GIT1: variants seen among roughly 807,000 people sequenced by gnomAD.
GIT1 encodes the protein ARF GTPase-activating protein GIT1.
A neutral mutation model predicts 91.7 loss-of-function variants in GIT1; 14 were observed. That is an observed-to-expected ratio of 0.15 (90% confidence interval 0.10 to 0.24). The LOEUF (loss-of-function observed/expected upper bound fraction) is 0.24. GIT1 is among the 10% of genes least tolerant of loss of function. The pLI is 1.00. For missense variants in GIT1, 717 were observed against 1,024.9 expected (o/e 0.70, Z 4.10); for synonymous variants, 414 against 418.2 (o/e 0.99, Z 0.12).
Position 29,589,446 on chromosome 17 carries a change from C to A in GIT1, c.-68G>T, listed in dbSNP as rs1364912689. ...GGGCGCGGGCGGCGGGCCCGGGCGG[C>A]GGCGGCGGCCCCTGCTGCCCGGCCC... On this transcript the variant is annotated 5_prime_UTR_variant, in exon 1 of 20. Transcript: ENST00000225394. This position sits in a 1 kb window ranked among gnomAD's most constrained non-coding sequence, Gnocchi z 5.2. 2 of 636,918 alleles carry A rather than the reference C, an allele frequency of 3.1e-6. No individual in the cohort carries two copies. Among genetic ancestry groups the A allele is most frequent in the Non-Finnish European group, 3.9e-6 (2 of 513,812 alleles). The allele number at this position is 636,918 out of a possible 1,614,324, so 39.5% of individuals were successfully genotyped here.
chr17:29,577,803 G>A lies in GIT1; in HGVS notation c.884-61C>T. ...GGCCAGGCCCCCAAGGTGGGGGTGG[G>A]GAAGCACTGAGCCCAGCCTTCCTAG... On this transcript the variant is annotated intron_variant, in intron 9 of 19. Coordinates refer to ENST00000225394, the MANE Select transcript of GIT1 (RefSeq NM_014030.4). The A allele has an allele frequency of 1.3e-5, 13 of 1,009,210 alleles. No individual in the cohort carries two copies. In the South Asian group the frequency reaches 1.5e-4, roughly 12 times the overall value. 62.5% of individuals were successfully genotyped at this position (1,009,210 alleles called of 1,614,324 possible).
At chr17:29,577,853 G>C in intron 9 of GIT1, 111 bp from the exon 10 acceptor site, 1 of 714,726 alleles carries the variant, frequency 1.4e-6, no homozygotes, top group East Asian at 2.6e-5. Flanking sequence ...ACTGAGCACT[G>C]GTGTTCAGAA....
chr17:29,578,103 C>T (rs890453177), intron 9 of GIT1, among the ~76,000 whole-genome samples, 196 bp downstream of exon 9: 2 of 152,176 alleles, frequency 1.3e-5, no homozygotes, highest in Non-Finnish European at 2.9e-5. Context: ...GGGAGGAGCA[C>T]GCTAGCCGCC....
Position 29,582,713 on chromosome 17 carries a change from G to C in GIT1, c.390C>G (p.Ala130=), listed in dbSNP as rs1035371629. ...LPCRDDDGVT[A]KDLSKQLHSS... is the part of the protein sequence containing the mutation. Reference sequence around the variant, plus strand: ...CCCCTCAAACCTTGCTGAGGTCTTTGGCGGTGACTCCATCATCGTCCCGGC... The same window carrying C: ...CCCCTCAAACCTTGCTGAGGTCTTTCGCGGTGACTCCATCATCGTCCCGGC... The change falls in exon 4 of 20, where the codon GCC becomes GCG. Residue 130 remains alanine (A), a synonymous_variant. Coordinates refer to ENST00000225394, the MANE Select transcript of GIT1 (RefSeq NM_014030.4). The C allele has an allele frequency of 6.2e-6, 10 of 1,611,984 alleles. No homozygotes were observed. The Admixed American group carries it at 1.7e-4, about 27-fold the overall frequency.
intron 7 of GIT1, among the ~76,000 whole-genome samples, chr17:29,580,097 A>G (rs1459843043): frequency 6.6e-6 from 1 of 152,092 alleles, no homozygotes; most frequent in Non-Finnish European, 1.5e-5. Flanking sequence ...CTCCCCCATG[A>G]GGACTAGAAT....
At position 29,583,844 on chromosome 17, in the gene GIT1, C is replaced by T. The variant is rs571424723; in HGVS notation, c.53-228G>A. 8.8e-6 allele frequency: 5 copies of T among 569,908 alleles called. No individual in the cohort carries two copies. In the East Asian group the frequency reaches 1.2e-4, roughly 13 times the overall value. The allele number at this position is 569,908 out of a possible 1,614,324, so 35.3% of individuals were successfully genotyped here. On this transcript the variant is annotated intron_variant, in intron 1 of 19. Transcript: ENST00000225394. The stretch of plus-strand genomic sequence containing the variant: ...CATGCCCTTTCCTACATCCTTACCC[C>T]TCTGGGATATGCAGTCCCCAGGGCC...
At position 29,581,236 on chromosome 17, in the gene GIT1, G is replaced by A. The variant is rs957805600; in HGVS notation, c.761+102C>T. ...TGCCTCTAGTCTCTGGGGGGAGGGA[G>A]CAGGGTCCTAGGCCTCTGAAACCTG... On this transcript the variant is annotated intron_variant, in intron 7 of 19. Coordinates refer to ENST00000225394, the MANE Select transcript of GIT1 (RefSeq NM_014030.4). This position sits in a 1 kb window ranked among gnomAD's most constrained non-coding sequence, Gnocchi z 4.8. 7 of 824,786 alleles carry A rather than the reference G, an allele frequency of 8.5e-6. No homozygotes were observed. The Admixed American group carries it at 1.3e-4, about 15-fold the overall frequency. 51.1% of individuals were successfully genotyped at this position (824,786 alleles called of 1,614,324 possible).
Position 29,575,779 on chromosome 17 carries a change from C to A in GIT1, c.1752+33G>T. The A allele has an allele frequency of 6.2e-7, 1 of 1,605,520 alleles. No individual in the cohort carries two copies. On this transcript the variant is annotated intron_variant, in intron 16 of 19. Coordinates refer to ENST00000225394, the MANE Select transcript of GIT1 (RefSeq NM_014030.4). This position sits in a 1 kb window ranked among gnomAD's most constrained non-coding sequence, Gnocchi z 5.5. The stretch of plus-strand genomic sequence containing the variant: ...TGCCCCTAGCCCACACGGCCCCCAG[C>A]CACCCTGTGGGCACTGGGCATGGAA...
intron 7 of GIT1, among the ~76,000 whole-genome samples, chr17:29,579,647 G>A (rs1340738833): frequency 6.6e-6 from 1 of 151,954 alleles, no homozygotes; most frequent in African/African-American, 2.4e-5. Flanking sequence ...TATGGTAGGA[G>A]GATCGTTTGA....
chr17:29,577,373 A>T, intron 10 of GIT1, 126 bp from the exon 11 acceptor site: 1 of 776,986 alleles, frequency 1.3e-6, no homozygotes, highest in Non-Finnish European at 2.1e-6. Context: ...GTCCCAGCCT[A>T]GCTTCACCTG....
intron 3 of GIT1, 21 bp downstream of exon 3, chr17:29,582,904 C>T: frequency 6.3e-7 from 1 of 1,578,242 alleles, no homozygotes; most frequent in Non-Finnish European, 8.7e-7. Context: ...CTCTGCCCAC[C>T]ACCCCTCCAG....
intron 2 of GIT1, 146 bp from the exon 3 acceptor site, chr17:29,583,183 T>G: frequency 1.5e-6 from 1 of 657,056 alleles, no homozygotes; most frequent in Non-Finnish European, 2.7e-6. Context: ...CACCTCCATC[T>G]AGTCCAGCTG....
rs1306766085 is a variant in GIT1 at position 29,575,858 on chromosome 17, G to T, written c.1706C>A (p.Pro569His). The change falls in exon 16 of 20, where the codon CCC becomes CAC. Residue 569 changes from proline to histidine, a missense_variant. By Grantham distance (77) the Pro-to-His change is moderately conservative. Transcript: ENST00000225394. This position sits in a 1 kb window ranked among gnomAD's most constrained non-coding sequence, Gnocchi z 5.5. ...GGAGCAGGACAGCAGCGGGGAGGAGGGAGTGAAGGGCACAGCTGAGGCAGA... is the reference window on the plus strand; with the variant it reads ...GGAGCAGGACAGCAGCGGGGAGGAGTGAGTGAAGGGCACAGCTGAGGCAGA... ...GVSASAVPFT[P>H]SSPLLSCSQE... 14 of 1,612,050 alleles carry T rather than the reference G, an allele frequency of 8.7e-6. No individual in the cohort carries two copies. The highest frequency in any genetic ancestry group is 1.2e-5 in the Non-Finnish European group (14 of 1,179,184).
At chr17:29,584,719 C>G (rs753149571) in intron 1 of GIT1, among the ~76,000 whole-genome samples, 1 of 152,176 alleles carries the variant, frequency 6.6e-6, no homozygotes, top group East Asian at 1.9e-4. Context: ...TGCCCTGTAG[C>G]GCTCAGGGTG....
chr17:29,584,961 T>TTC (rs781771576), intron 1 of GIT1, among the ~76,000 whole-genome samples: 1 of 140,210 alleles, frequency 7.1e-6, no homozygotes, highest in African/African-American at 2.6e-5. Context: ...GGTTTAGGCT[T>TTC]TTTTTTTTTT....
At chr17:29,578,935 C>T in intron 7 of GIT1, 156 bp from the exon 8 acceptor site, 1 of 1,611,752 alleles carries the variant, frequency 6.2e-7, no homozygotes, top group Non-Finnish European at 8.5e-7. Context: ...CACCTTCAGG[C>T]CTGCTGCCCC....
At chr17:29,584,770 GA>G (rs1279511964) in intron 1 of GIT1, among the ~76,000 whole-genome samples, 1 of 152,144 alleles carries the variant, frequency 6.6e-6, no homozygotes, top group African/African-American at 2.4e-5. Context: ...GGCTTAGGGG[GA>G]TAAGAATCTC....
In GIT1 at chr17:29,575,890, T is replaced by G; in HGVS notation, c.1674A>C (p.Lys558Asn). The change falls in exon 16 of 20, where the codon AAA (lysine) becomes AAC (asparagine). Residue 558 changes from lysine (K) to asparagine (N), a missense_variant. Transcript: ENST00000225394. This position sits in a 1 kb window ranked among gnomAD's most constrained non-coding sequence, Gnocchi z 5.5. ...HVPAGLYRIRKGVSASAVPFT... is the reference protein window; with the variant it reads ...HVPAGLYRIRNGVSASAVPFT... ...AGGGCACAGCTGAGGCAGACACCCC[T>G]TTCCGGATCTGAAACCCAGGGCAGC... The G allele has an allele frequency of 1.2e-6, 2 of 1,607,598 alleles. No homozygotes were observed. The highest frequency in any genetic ancestry group is 1.7e-6 in the Non-Finnish European group (2 of 1,176,866).
chr17:29,582,620 A>T lies in GIT1; in HGVS notation c.405+78T>A, dbSNP rs1007090048. 3 of 996,018 alleles carry T rather than the reference A, an allele frequency of 3.0e-6. No individual in the cohort carries two copies. The African/African-American group carries it at 4.7e-5, about 16-fold the overall frequency. 61.7% of individuals were successfully genotyped at this position (996,018 alleles called of 1,614,324 possible). A position where few individuals can be genotyped will look rare whatever the true frequency, so the allele number is the denominator to read the frequency against. On this transcript the variant is annotated intron_variant, in intron 4 of 19. Transcript: ENST00000225394. ...CTTTGGGGCCCAGGGCTCAGTGGGG[A>T]CAAAGGAGAGGCCTTCAGAGAGTCG...
Sources: gnomAD v4.1 joint callset for allele counts (sites outside exome capture counted in the v4.1 genomes callset) on GRCh38, gnomAD v4.1.1 for gene constraint, Gnocchi (gnomAD v3.1) non-coding constraint, MANE v1.5 for transcripts, NCBI Gene and HGNC (gene_info 2026-07-23, HGNC 2026-07-21) for gene names.